The following PCNT variants were observed in gnomAD, a reference collection of about 807,000 sequenced individuals.
The protein encoded by PCNT is pericentrin.
A neutral mutation model predicts 380.4 loss-of-function variants in PCNT; 319 were observed. The ratio of observed to expected loss-of-function variants is 0.84; its 90% CI spans 0.77 to 0.92. The LOEUF is 0.92. Among genes scored for constraint, PCNT ranks in the 40% least tolerant of loss-of-function variants. PCNT has a pLI of 0.00. For synonymous variants in PCNT, 1,845 were observed against 1,735.2 expected, an observed-to-expected ratio of 1.06 and a Z score of -1.57; for missense variants, 4,400 against 4,255.3, an observed-to-expected ratio of 1.03 and a Z score of -0.95.
intron 40 of PCNT, among the ~76,000 whole-genome samples, chr21:46,437,288 G>A (rs1007122732): frequency 8.1e-6 from 1 of 123,542 alleles, no homozygotes; most frequent in Admixed American, 7.3e-5. Flanking sequence ...TGGGGCACTT[G>A]TGTGGTCTTC....
chr21:46,428,769 G>A (rs1041631357), intron 35 of PCNT, among the ~76,000 whole-genome samples, 179 bp downstream of exon 35: 17 of 152,348 alleles, frequency 1.1e-4, no homozygotes, highest in Admixed American at 7.8e-4. Context: ...GACAGGCAGC[G>A]CTGGGTGGGG....
intron 1 of PCNT, 152 bp downstream of exon 1, chr21:46,324,434 G>A (rs1021171072): frequency 2.8e-6 from 2 of 724,752 alleles, no homozygotes; most frequent in South Asian, 1.5e-5. Context: ...GCTGGAAGCC[G>A]CCTCCTGGCC....
chr21:46,443,799 T>G lies in PCNT; in HGVS notation c.9701-11T>G. 2 of 1,613,726 alleles carry G rather than the reference T, an allele frequency of 1.2e-6. No homozygotes were observed. Among genetic ancestry groups the G allele is most frequent in the Non-Finnish European group, 1.7e-6 (2 of 1,179,872 alleles). The stretch of plus-strand genomic sequence containing the variant: ...TCCTAATCCCTTGGTTGTTAAATAA[T>G]TCTGGGGAAGGGCCCCGAGCACGAC... On this transcript the variant is annotated splice_polypyrimidine_tract_variant and intron_variant, in intron 44 of 46. Transcript: ENST00000359568.
chr21:46,355,403 G>A (rs372048748), intron 11 of PCNT, 49 bp from the exon 12 acceptor site: 28 of 1,585,270 alleles, frequency 1.8e-5, no homozygotes, highest in Admixed American at 5.0e-5. Flanking sequence ...AGCTGCGAGC[G>A]AGGTAGCTTG....
At chr21:46,354,892 C>T (rs1453909323) in intron 11 of PCNT, among the ~76,000 whole-genome samples, 2 of 152,184 alleles carry the variant, frequency 1.3e-5, no homozygotes, top group South Asian at 2.1e-4. Flanking sequence ...GGCAAGGGCC[C>T]GGCTGGAACA....
chr21:46,429,011 G>T (rs993693575), intron 35 of PCNT, among the ~76,000 whole-genome samples: 1 of 152,244 alleles, frequency 6.6e-6, no homozygotes, highest in Non-Finnish European at 1.5e-5. Context: ...GCCGTCAGCT[G>T]TGTGGGCAGA....
chr21:46,377,837 G>A (rs895849762), intron 15 of PCNT, among the ~76,000 whole-genome samples: 2 of 151,508 alleles, frequency 1.3e-5, no homozygotes, highest in Admixed American at 6.6e-5. Context: ...ACAGCAAAAC[G>A]TTGTCTCAAA....
At chr21:46,429,432 G>A (rs1033545811) in intron 35 of PCNT, among the ~76,000 whole-genome samples, 16 of 139,884 alleles carry the variant, frequency 1.1e-4, no homozygotes, top group Admixed American at 7.1e-4. Flanking sequence ...CGCTGTGCAC[G>A]TGCTCGTGAG....
At chr21:46,327,382 TG>T (rs2083427710) in intron 2 of PCNT, among the ~76,000 whole-genome samples, 5 of 134,870 alleles carry the variant, frequency 3.7e-5, no homozygotes, top group Non-Finnish European at 8.4e-5. Flanking sequence ...TTAATAAATT[TG>T]GGTTTTCTTT....
Position 46,371,993 on chromosome 21 carries a change from GCA to G in PCNT, c.3165+4865_3165+4866del, listed in dbSNP as rs989081203. 3.4e-3 allele frequency among the ~76,000 whole-genome samples: 392 copies of G among 114,608 alleles called. 5 individuals are homozygous for G. Among genetic ancestry groups the G allele is most frequent in the African/African-American group, 0.01 (354 of 33,980 alleles). 75.2% of individuals were successfully genotyped at this position (114,608 alleles called of 152,430 possible). A position where few individuals can be genotyped will look rare whatever the true frequency, so the allele number is the denominator to read the frequency against. Reference sequence around the variant, plus strand: ...TAGCACATACACACATGCAGCACATGCACACACACACAGCACATGCACACACA... The same window carrying G: ...TAGCACATACACACATGCAGCACATGCACACACACAGCACATGCACACACA... On this transcript the variant is annotated intron_variant, in intron 15 of 46. Coordinates refer to ENST00000359568, the MANE Select transcript of PCNT (RefSeq NM_006031.6).
chr21:46,408,524 G>C (rs558019401), intron 27 of PCNT, among the ~76,000 whole-genome samples: 6 of 152,178 alleles, frequency 3.9e-5, no homozygotes, highest in Non-Finnish European at 8.8e-5. Flanking sequence ...ACCAGCAATA[G>C]ATGAGTGTTC....
At chr21:46,432,748 C>T (rs2087821922) in intron 38 of PCNT, among the ~76,000 whole-genome samples, 1 of 152,026 alleles carries the variant, frequency 6.6e-6, no homozygotes, top group Non-Finnish European at 1.5e-5. Flanking sequence ...CCTCAGCCTC[C>T]CACGTAGCTG....
intron 8 of PCNT, 21 bp from the exon 9 acceptor site, chr21:46,351,408 T>A (rs753081010): frequency 7.2e-7 from 1 of 1,386,102 alleles, no homozygotes; most frequent in Non-Finnish European, 1.0e-6. Flanking sequence ...GGGTTTCACC[T>A]GGACACTTTG....
intron 45 of PCNT, 23 bp downstream of exon 45, chr21:46,443,971 CCGT>C (rs2053681950): frequency 6.2e-7 from 1 of 1,607,166 alleles, no homozygotes; most frequent in Non-Finnish European, 8.5e-7. Flanking sequence ...CCTTCAGGCC[CCGT>C]CTCCTGCCAG....
rs553059889 is a variant in PCNT, at chr21:46,349,913, A to G, written c.1344+93A>G. On this transcript the variant is annotated intron_variant, in intron 8 of 46. Coordinates refer to ENST00000359568, the MANE Select transcript of PCNT (RefSeq NM_006031.6). ...GCTATTTCGTATTGTGTTATTTGCTAAAACTTAAGTTCTAAATTTAAAGAG... is the reference window on the plus strand; with the variant it reads ...GCTATTTCGTATTGTGTTATTTGCTGAAACTTAAGTTCTAAATTTAAAGAG... 10 of 1,232,686 alleles carry G rather than the reference A, an allele frequency of 8.1e-6. No individual in the cohort carries two copies. In the African/African-American group the frequency reaches 1.0e-4, roughly 13 times the overall value. The allele number at this position is 1,232,686 out of a possible 1,614,324, so 76.4% of individuals were successfully genotyped here. A position where few individuals can be genotyped will look rare whatever the true frequency, so the allele number is the denominator to read the frequency against.
At chr21:46,377,954 G>A (rs1485630479) in intron 15 of PCNT, among the ~76,000 whole-genome samples, 2 of 152,070 alleles carry the variant, frequency 1.3e-5, no homozygotes, top group Non-Finnish European at 2.9e-5. Context: ...GGCGTCCTAC[G>A]TACATAGACT....
chr21:46,440,080 C>T lies in PCNT; in HGVS notation c.9274-3C>T, dbSNP rs200348425. 3.9e-3 allele frequency: 6,304 copies of T among 1,614,030 alleles called. 68 individuals carry two copies. The highest frequency in any genetic ancestry group is 0.031 in the Middle Eastern group (190 of 6,054). ...AGACAGCGCTGGCTGTGCTTCCTTA[C>T]AGAGGTCGGAAAGGTCTGCTTGGAA... is the stretch of plus-strand genomic sequence containing the variant. On this transcript the variant is annotated splice_region_variant and splice_polypyrimidine_tract_variant and intron_variant, in intron 41 of 46. Coordinates refer to ENST00000359568, the MANE Select transcript of PCNT (RefSeq NM_006031.6).
At position 46,402,442 on chromosome 21, in the gene PCNT, G is replaced by C. The variant is rs113342730; in HGVS notation, c.5074G>C (p.Val1692Leu). The C allele has an allele frequency of 1.0e-4, 165 of 1,614,114 alleles. 1 individual carries two copies. The highest frequency in any genetic ancestry group is 1.3e-4 in the Non-Finnish European group (155 of 1,179,974). Residue 1692 changes from valine to leucine, a missense_variant, in exon 27 of 47, where the codon GTC becomes CTC. Val to Leu is a conservative substitution (Grantham distance 32, BLOSUM62 1). Transcript: ENST00000359568. Reference protein sequence around the residue: ...KLDMQNSQTAVSLRELEEENT... With the variant: ...KLDMQNSQTALSLRELEEENT... ...GGACATGCAGAACAGCCAGACTGCT[G>C]TCAGCCTCAGAGAACTTGAGGAAGA...
At chr21:46,442,465 T>A in intron 43 of PCNT, 32 bp from the exon 44 acceptor site, 1 of 1,414,086 alleles carries the variant, frequency 7.1e-7, no homozygotes, top group Non-Finnish European at 1.0e-6. Context: ...CTTGCCGTAC[T>A]TTTAAGTGTG....
Sources: allele counts gnomAD v4.1 joint callset (sites outside exome capture counted in the v4.1 genomes callset), GRCh38; gene constraint gnomAD v4.1.1; transcripts MANE v1.5; gene names NCBI Gene and HGNC (gene_info 2026-07-23, HGNC 2026-07-21).